ZNF880: variants seen among roughly 807,000 people sequenced by gnomAD.
ZNF880 encodes the protein zinc finger protein 880.
A neutral mutation model predicts 11.8 loss-of-function variants in ZNF880; 12 were observed. The observed-to-expected ratio is 1.02, with a 90% CI of 0.65 to 1.65. The LOEUF (loss-of-function observed/expected upper bound fraction) is 1.65. Ranked by LOEUF, ZNF880 falls within the 40% of genes most tolerant of loss-of-function variation. The pLI, the probability that ZNF880 is intolerant of heterozygous loss-of-function variation, is 0.00. For synonymous variants in ZNF880, 210 were observed against 232.4 expected (o/e 0.90, Z 0.88); for missense variants, 601 against 673.9 (o/e 0.89, Z 1.20).
chr19:52,383,330 C>A (rs1360343075), intron 3 of ZNF880, among the ~76,000 whole-genome samples: 1 of 152,070 alleles, frequency 6.6e-6, no homozygotes, highest in Non-Finnish European at 1.5e-5. Context: ...ATAATTTTAG[C>A]CATATTTCCC....
upstream of ZNF880, chr19:52,369,849 G>C: frequency 6.0e-6 from 8 of 1,340,252 alleles, no homozygotes; most frequent in South Asian, 6.3e-5. Context: ...AGCTGGGAGC[G>C]AGGCGGAGGG....
At chr19:52,387,269 T>C (rs1287059298), downstream of ZNF880, among the ~76,000 whole-genome samples, 1 of 143,592 alleles carries the variant, frequency 7.0e-6, no homozygotes, top group East Asian at 2.0e-4. Context: ...GTAAGTATAA[T>C]TTACACTAAT....
chr19:52,368,293 A>G (rs17697222), upstream of ZNF880, among the ~76,000 whole-genome samples: 26,149 of 148,730 alleles, frequency 0.18, 2,732 homozygotes, highest in Non-Finnish European at 0.24. Context: ...ATTAATGTTC[A>G]CCCATCTTCT....
chr19:52,392,960 T>A, the ZNF880 span, among the ~76,000 whole-genome samples: 3 of 152,106 alleles, frequency 2.0e-5, no homozygotes, highest in Non-Finnish European at 4.4e-5. Context: ...CTGGTGGGAT[T>A]ACAGGTGTGA....
At chr19:52,386,933 C>T (rs34830840), downstream of ZNF880, among the ~76,000 whole-genome samples, 9,369 of 143,724 alleles carry the variant, frequency 0.065, 1,354 homozygotes, top group South Asian at 0.12. Context: ...TAATTTCCAA[C>T]TGTTTGATTT....
At chr19:52,370,237 C>G (rs1308514930) in intron 1 of ZNF880, 5 of 548,456 alleles carry the variant, frequency 9.1e-6, no homozygotes, top group Non-Finnish European at 1.6e-5. Context: ...TCAAATCCTT[C>G]AGTGACCCCT....
At chr19:52,381,192 C>G (rs1986696318) in intron 3 of ZNF880, among the ~76,000 whole-genome samples, 1 of 152,006 alleles carries the variant, frequency 6.6e-6, no homozygotes, top group African/African-American at 2.4e-5. Context: ...TCTAGTAATC[C>G]TCCTGCCTCA....
chr19:52,394,234 GATTATT>G, the ZNF880 span, among the ~76,000 whole-genome samples: 2 of 151,752 alleles, frequency 1.3e-5, no homozygotes, highest in Non-Finnish European at 2.9e-5. Flanking sequence ...AAATATACAA[GATTATT>G]ATTATTATTA....
chr19:52,369,367 A>C (rs1363074594), upstream of ZNF880, among the ~76,000 whole-genome samples: 2 of 7,688 alleles, frequency 2.6e-4, no homozygotes, highest in Admixed American at 2.0e-3. Context: ...GTCTCCAAAA[A>C]AAAAAAAAAA....
chr19:52,382,313 A>G (rs1986729049), intron 3 of ZNF880, among the ~76,000 whole-genome samples: 2 of 152,256 alleles, frequency 1.3e-5, no homozygotes, highest in Middle Eastern at 3.4e-3. Flanking sequence ...TCAAGTTACA[A>G]AAGAAAAGAG....
At chr19:52,391,962 C>T in the ZNF880 span, among the ~76,000 whole-genome samples, 1 of 152,136 alleles carries the variant, frequency 6.6e-6, no homozygotes, top group Non-Finnish European at 1.5e-5. Flanking sequence ...GATTACTTCC[C>T]ACCAACAAGC....
intron 1 of ZNF880, among the ~76,000 whole-genome samples, chr19:52,372,486 C>T (rs1986406354): frequency 6.6e-6 from 1 of 150,518 alleles, no homozygotes; most frequent in South Asian, 2.1e-4. Context: ...GACAGGGCTT[C>T]ACCATGTTAG....
At chr19:52,379,451 A>G (rs7260092) in intron 3 of ZNF880, 5,115 of 442,192 alleles carry the variant, frequency 0.012, 219 homozygotes, top group African/African-American at 0.095. Flanking sequence ...GCTGGAGTGC[A>G]ATGCCGCGAT....
At chr19:52,396,821 C>G in the ZNF880 span, 2 of 151,154 alleles carry the variant, frequency 1.3e-5, no homozygotes, top group African/African-American at 4.8e-5. Context: ...TTACTCACAG[C>G]TACTCGGCAG....
intron 3 of ZNF880, among the ~76,000 whole-genome samples, chr19:52,381,734 G>A (rs1174089953): frequency 6.6e-6 from 1 of 151,876 alleles, no homozygotes; most frequent in South Asian, 2.1e-4. Flanking sequence ...CCCATCTCTT[G>A]TGTGTGTCGG....
upstream of ZNF880, chr19:52,366,984 G>T (rs1986132017): frequency 1.8e-5 from 9 of 491,222 alleles, no homozygotes; most frequent in Non-Finnish European, 1.8e-5. Flanking sequence ...TCAGAATAGA[G>T]CATTTAATGA....
chr19:52,374,326 T>C lies in ZNF880; in HGVS notation c.167T>C (p.Ile56Thr), dbSNP rs1414572168. The change falls in exon 3 of 4, where the codon ATC becomes ACC. Residue 56 changes from isoleucine to threonine, a missense_variant. By Grantham distance (89) the Ile-to-Thr change is moderately conservative. Transcript: ENST00000422689. ...LGICLPDLSV[I>T]SMLEQRRDPR... The stretch of plus-strand genomic sequence containing the variant: ...ATCTGTCTTCCTGACCTGAGTGTTA[T>C]CTCCATGTTGGAGCAAAGGAGAGAT... The C allele has an allele frequency of 6.8e-6, 11 of 1,613,546 alleles. No individual in the cohort carries two copies. The highest frequency in any genetic ancestry group is 2.7e-5 in the African/African-American group (2 of 74,798).
the ZNF880 span, chr19:52,395,712 TC>T: frequency 1.9e-4 from 29 of 152,380 alleles, no homozygotes; most frequent in African/African-American, 6.5e-4. Flanking sequence ...AGGCGGCCCA[TC>T]CTGGGTTTCA....
In ZNF880 at chr19:52,384,052, T is replaced by C. The variant is rs576075404; in HGVS notation, c.472T>C (p.Leu158=). Residue 158 remains leucine, a synonymous_variant, in exon 4 of 4, where the codon TTA becomes CTA. Coordinates refer to ENST00000422689, the MANE Select transcript of ZNF880 (RefSeq NM_001145434.2). ...KIYSSVKSHI[L]NKYRNDFDDS... is the part of the protein sequence containing the mutation. The stretch of plus-strand genomic sequence containing the variant: ...TTATTCTAGTGTCAAATCCCACATT[T>C]TAAATAAATACAGAAATGATTTTGA... The C allele has an allele frequency of 4.5e-6, 7 of 1,563,036 alleles. No homozygotes were observed. The African/African-American group carries it at 9.5e-5, about 21-fold the overall frequency.
Sources: gnomAD v4.1 joint callset for allele counts (sites outside exome capture counted in the v4.1 genomes callset) on GRCh38, gnomAD v4.1.1 for gene constraint, MANE v1.5 for transcripts, NCBI Gene and HGNC (gene_info 2026-07-23, HGNC 2026-07-21) for gene names.